The following AK3 variants were observed in gnomAD, a reference collection of about 807,000 sequenced individuals.
AK3 encodes adenylate kinase 3.
A neutral mutation model predicts 23.7 loss-of-function variants in AK3; 27 were observed. The ratio of observed to expected loss-of-function variants is 1.14; its 90% CI spans 0.84 to 1.57. AK3 has a LOEUF of 1.57. Among genes scored for constraint, AK3 ranks in the 40% most tolerant of loss-of-function variants. The pLI, the probability that AK3 is intolerant of heterozygous loss-of-function variation, is 0.00. For missense variants in AK3, 406 were observed against 285.6 expected, an observed-to-expected ratio of 1.42 and a Z score of -3.04; for synonymous variants, 159 against 116.0, an observed-to-expected ratio of 1.37 and a Z score of -2.38.
In AK3 at chr9:4,736,114, CAAAAA is replaced by C. The variant is rs771506489; in HGVS notation, c.151+4818_151+4822del. On this transcript the variant is annotated intron_variant, in intron 1 of 4. Transcript: ENST00000381809. ...TAGGCAACAGAGCGAGACTCCATCT[CAAAAA>C]AAAAAAAAAAAAAAAGTTGATTTTG... Among the ~76,000 whole-genome samples the C allele has an allele frequency of 9.1e-3, 446 of 49,122 alleles. 6 individuals are homozygous for C. The highest frequency in any genetic ancestry group is 0.064 in the Admixed American group (318 of 4,934). 32.2% of individuals were successfully genotyped at this position (49,122 alleles called of 152,430 possible). A position where few individuals can be genotyped will look rare whatever the true frequency, so the allele number is the denominator to read the frequency against.
intron 1 of AK3, among the ~76,000 whole-genome samples, chr9:4,726,154 T>C (rs1842019289): frequency 2.0e-5 from 3 of 152,232 alleles, no homozygotes; most frequent in South Asian, 4.1e-4. Flanking sequence ...CTTAATCTTT[T>C]TGCTGATGGA....
In AK3 at chr9:4,722,551, G is replaced by T; in HGVS notation, c.226C>A (p.Leu76Ile). 6.2e-7 allele frequency: 1 copy of T among 1,614,198 alleles called. No individual in the cohort carries two copies. Among genetic ancestry groups the T allele is most frequent in the Non-Finnish European group, 8.5e-7 (1 of 1,180,026 alleles). The change falls in exon 2 of 5, where the codon CTT (leucine) becomes ATT (isoleucine). Residue 76 changes from leucine to isoleucine, a missense_variant. Transcript: ENST00000381809. Reference sequence around the variant, plus strand: ...TGGGTGAGATTTTTCAGCTCATGAAGGGCCAGCCGAGTCATGACATCATCT... The same window carrying T: ...TGGGTGAGATTTTTCAGCTCATGAATGGCCAGCCGAGTCATGACATCATCT... ...IPDDVMTRLA[L>I]HELKNLTQYS...
chr9:4,713,431 A>G (rs1172998905), intron 4 of AK3, among the ~76,000 whole-genome samples: 1 of 152,130 alleles, frequency 6.6e-6, no homozygotes, highest in East Asian at 1.9e-4. Context: ...AAATTTTCTT[A>G]TTTTACTAAT....
Position 4,740,995 on chromosome 9 carries a change from G to T in AK3, c.93C>A (p.Phe31Leu). The change falls in exon 1 of 5, where the codon TTC becomes TTA. Residue 31 changes from phenylalanine (F) to leucine (L), a missense_variant. Coordinates refer to ENST00000381809, the MANE Select transcript of AK3 (RefSeq NM_016282.4). The stretch of plus-strand genomic sequence containing the variant: ...CCCCGCTGGAGAGGTGCTTCAGCTC[G>T]AAGTGTGTAGTGATGCGCGACGACA... Reference protein sequence around the residue: ...GTVSSRITTHFELKHLSSGDL... With the variant: ...GTVSSRITTHLELKHLSSGDL... 6.3e-7 allele frequency: 1 copy of T among 1,594,670 alleles called. No individual in the cohort carries two copies. Among genetic ancestry groups the T allele is most frequent in the African/African-American group, 1.4e-5 (1 of 72,484 alleles).
At position 4,733,686 on chromosome 9, in the gene AK3, T is replaced by C. The variant is rs975256438; in HGVS notation, c.151+7251A>G. On this transcript the variant is annotated intron_variant, in intron 1 of 4. Coordinates refer to ENST00000381809, the MANE Select transcript of AK3 (RefSeq NM_016282.4). ...TCCCATTCACTCTGCTTCGGATAAA[T>C]TCTGATTTTGACAATTACATAAATG... 3.9e-5 allele frequency among the ~76,000 whole-genome samples: 6 copies of C among 152,292 alleles called. No homozygotes were observed. The Middle Eastern group carries it at 0.014, about 345-fold the overall frequency.
chr9:4,712,212 T>C lies in AK3; in HGVS notation c.*764A>G, dbSNP rs1841579747. On this transcript the variant is annotated 3_prime_UTR_variant, in exon 5 of 5. Transcript: ENST00000381809. ...GAAAACATAGACTTTAATTACATTT[T>C]GTTGAAAATTCATTCAACTTTGGTG... 6.6e-6 allele frequency: 1 copy of C among 152,232 alleles called. No homozygotes were observed. Among genetic ancestry groups the C allele is most frequent in the African/African-American group, 2.4e-5 (1 of 41,472 alleles). The allele number at this position is 152,232 out of a possible 1,614,324, so 9.4% of individuals were successfully genotyped here.
chr9:4,718,448 G>A lies in AK3; in HGVS notation c.534C>T (p.Asp178=), dbSNP rs773391830. Residue 178 remains aspartate, a synonymous_variant, in exon 4 of 5, where the codon GAC becomes GAT. Coordinates refer to ENST00000381809, the MANE Select transcript of AK3 (RefSeq NM_016282.4). ...TVIKRLKAYE[D]QTKPVLEYYQ... Reference sequence around the variant, plus strand: ...AATATTCCAGGACTGGCTTTGTTTGGTCTTCATAAGCCTTTAGTCTCTTGA... The same window carrying A: ...AATATTCCAGGACTGGCTTTGTTTGATCTTCATAAGCCTTTAGTCTCTTGA... 1 of 1,612,898 alleles carries A rather than the reference G, an allele frequency of 6.2e-7. No homozygotes were observed. Among genetic ancestry groups the A allele is most frequent in the African/African-American group, 1.3e-5 (1 of 75,002 alleles).
At chr9:4,727,701 A>G (rs1460359315) in intron 1 of AK3, among the ~76,000 whole-genome samples, 2 of 152,166 alleles carry the variant, frequency 1.3e-5, no homozygotes, top group South Asian at 2.1e-4. Flanking sequence ...ATTTCCTTCA[A>G]GGTCTTCCTT....
intron 1 of AK3, among the ~76,000 whole-genome samples, chr9:4,740,475 T>A (rs1195435938): frequency 6.6e-6 from 1 of 152,078 alleles, no homozygotes; most frequent in East Asian, 1.9e-4. Context: ...CTACAAGATC[T>A]CATAGAGCTT....
At position 4,737,847 on chromosome 9, in the gene AK3, TA is replaced by T. The variant is rs1842333690; in HGVS notation, c.151+3089del. ...GCTTTGCTACTGTCAATGAGTTGCC[TA>T]AAGTTTCCAGTGTCCTTATCATATC... On this transcript the variant is annotated intron_variant, in intron 1 of 4. Transcript: ENST00000381809. Among the ~76,000 whole-genome samples, 8 of 152,354 alleles carry T rather than the reference TA, an allele frequency of 5.3e-5. No individual in the cohort carries two copies. In the South Asian group the frequency reaches 1.7e-3, roughly 32 times the overall value.
rs79072741 is a variant in AK3 at position 4,734,291 on chromosome 9, A to C, written c.151+6646T>G. On this transcript the variant is annotated intron_variant, in intron 1 of 4. Coordinates refer to ENST00000381809, the MANE Select transcript of AK3 (RefSeq NM_016282.4). The stretch of plus-strand genomic sequence containing the variant: ...AACTCTACCAGTGCCTTGGTCTTGT[A>C]CTTCTAGCCTCCAGAACTATAAGAA... 4.9e-3 allele frequency among the ~76,000 whole-genome samples: 739 copies of C among 149,654 alleles called. 5 individuals are homozygous for C. Among genetic ancestry groups the C allele is most frequent in the African/African-American group, 0.018 (716 of 40,292 alleles).
intron 4 of AK3, among the ~76,000 whole-genome samples, chr9:4,717,365 C>A (rs463684): frequency 0.058 from 8,786 of 152,276 alleles, 283 homozygotes; most frequent in Admixed American, 0.076. Context: ...GGTTCCTATA[C>A]GTGTTGCAGA....
chr9:4,730,804 G>C (rs925444706), intron 1 of AK3, among the ~76,000 whole-genome samples: 2 of 152,068 alleles, frequency 1.3e-5, no homozygotes, highest in Non-Finnish European at 2.9e-5. Context: ...TGATGAGAAA[G>C]AATTGTTATT....
intron 1 of AK3, among the ~76,000 whole-genome samples, chr9:4,728,355 G>A (rs553589136): frequency 1.3e-5 from 2 of 152,286 alleles, no homozygotes; most frequent in East Asian, 3.9e-4. Context: ...CGCATCACTT[G>A]AGGTCAGGAG....
At chr9:4,713,969 TCCA>T (rs1347653943) in intron 4 of AK3, among the ~76,000 whole-genome samples, 4 of 127,298 alleles carry the variant, frequency 3.1e-5, no homozygotes, top group Non-Finnish European at 6.7e-5. Context: ...TATACACACC[TCCA>T]CATTTACACA....
rs549309831 is a variant in AK3 at position 4,710,657 on chromosome 9, A to C, written c.*2319T>G. ...TTTTTGGGTGGGGGCAGTGGCTTAC[A>C]CCTGTAATCTCAGCACTTGGGAAGC... On this transcript the variant is annotated 3_prime_UTR_variant, in exon 5 of 5. Transcript: ENST00000381809. The C allele has an allele frequency of 3.3e-5, 5 of 152,248 alleles. No homozygotes were observed. In the East Asian group the frequency reaches 9.7e-4, roughly 29 times the overall value. The allele number at this position is 152,248 out of a possible 1,614,324, so 9.4% of individuals were successfully genotyped here.
At chr9:4,737,719 C>T (rs1206065834) in intron 1 of AK3, among the ~76,000 whole-genome samples, 1 of 151,746 alleles carries the variant, frequency 6.6e-6, no homozygotes, top group Non-Finnish European at 1.5e-5. Context: ...GACTCTGTCT[C>T]AAAAAAATAA....
intron 4 of AK3, among the ~76,000 whole-genome samples, chr9:4,714,904 C>G (rs904527300): frequency 6.6e-6 from 1 of 152,014 alleles, no homozygotes; most frequent in African/African-American, 2.4e-5. Flanking sequence ...CTGAGTTCTA[C>G]GTGTGGGAGC....
chr9:4,727,811 G>C (rs902180602), intron 1 of AK3, among the ~76,000 whole-genome samples: 1 of 152,138 alleles, frequency 6.6e-6, no homozygotes, highest in African/African-American at 2.4e-5. Context: ...TCTAGCTTTT[G>C]ATTTAAAGTG....
Sources: allele counts gnomAD v4.1 joint callset (sites outside exome capture counted in the v4.1 genomes callset), GRCh38; gene constraint gnomAD v4.1.1; transcripts MANE v1.5; gene names NCBI Gene and HGNC (gene_info 2026-07-23, HGNC 2026-07-21).